The following RAP1GDS1 variants were observed in gnomAD, a reference collection of about 807,000 sequenced individuals.
RAP1GDS1 encodes the protein Rap1 GTPase-GDP dissociation stimulator 1.
RAP1GDS1 carries 35 observed loss-of-function variants against 71.1 expected under a neutral mutation model. The observed-to-expected ratio is 0.49, with a 90% CI of 0.38 to 0.65. The LOEUF is 0.65. Ranked by LOEUF, RAP1GDS1 falls within the 30% of genes least tolerant of loss-of-function variation. RAP1GDS1 has a pLI of 0.00. For synonymous variants in RAP1GDS1, 229 were observed against 243.1 expected, an observed-to-expected ratio of 0.94 and a Z score of 0.54; for missense variants, 663 against 706.1, an observed-to-expected ratio of 0.94 and a Z score of 0.69.
At chr4:98,288,154 T>A (rs1287885769) in intron 1 of RAP1GDS1, among the ~76,000 whole-genome samples, 1 of 152,110 alleles carries the variant, frequency 6.6e-6, no homozygotes, top group Admixed American at 6.6e-5. Flanking sequence ...TAACAATAGG[T>A]ATATCTCCTA....
intron 14 of RAP1GDS1, among the ~76,000 whole-genome samples, chr4:98,438,031 C>T (rs1049139123): frequency 3.3e-5 from 5 of 151,978 alleles, no homozygotes; most frequent in Non-Finnish European, 5.9e-5. Flanking sequence ...TTGAAGTCTC[C>T]CACTGTAGAT....
chr4:98,287,578 T>C (rs148685737), intron 1 of RAP1GDS1, among the ~76,000 whole-genome samples: 48 of 152,316 alleles, frequency 3.2e-4, no homozygotes, highest in African/African-American at 1.1e-3. Flanking sequence ...TATGACTACA[T>C]GTTAAAGTAA....
intron 1 of RAP1GDS1, among the ~76,000 whole-genome samples, chr4:98,280,812 T>C (rs1328409616): frequency 1.3e-5 from 2 of 152,240 alleles, no homozygotes; most frequent in Non-Finnish European, 2.9e-5. Flanking sequence ...GGATCCAGTT[T>C]CAGCTTTCTA....
intron 1 of RAP1GDS1, among the ~76,000 whole-genome samples, chr4:98,281,814 A>C (rs1197360708): frequency 6.6e-6 from 1 of 152,192 alleles, no homozygotes; most frequent in African/African-American, 2.4e-5. Flanking sequence ...AGTTTTTAGC[A>C]TGAAGGGCTG....
chr4:98,275,018 C>CTGTGTGTGTGTGTGTGTGTG (rs3974887), intron 1 of RAP1GDS1, among the ~76,000 whole-genome samples: 1 of 144,840 alleles, frequency 6.9e-6, no homozygotes, highest in Non-Finnish European at 1.5e-5. Flanking sequence ...TTGTTTGCAG[C>CTGTGTGTGTGTGTGTGTGTG]TGTGTGTGTG....
intron 12 of RAP1GDS1, among the ~76,000 whole-genome samples, chr4:98,423,094 A>C (rs1215787664): frequency 6.6e-6 from 1 of 152,254 alleles, no homozygotes; most frequent in East Asian, 1.9e-4. Context: ...ACAGAAATAA[A>C]AACAGCTAGC....
At chr4:98,349,835 TG>T (rs1008023465) in intron 3 of RAP1GDS1, among the ~76,000 whole-genome samples, 2 of 151,754 alleles carry the variant, frequency 1.3e-5, no homozygotes, top group Non-Finnish European at 2.9e-5. Flanking sequence ...TAAACATCCC[TG>T]TTTTTTTTTT....
chr4:98,284,749 C>CT (rs1725730873), intron 1 of RAP1GDS1, among the ~76,000 whole-genome samples: 1 of 152,150 alleles, frequency 6.6e-6, no homozygotes, highest in South Asian at 2.1e-4. Context: ...TACCAGCCTG[C>CT]TTGGAGCCCT....
At chr4:98,359,404 A>T (rs1281045639) in intron 4 of RAP1GDS1, among the ~76,000 whole-genome samples, 1 of 152,156 alleles carries the variant, frequency 6.6e-6, no homozygotes, top group Non-Finnish European at 1.5e-5. Context: ...TGAAAGTATA[A>T]AAAAACCTTT....
intron 4 of RAP1GDS1, among the ~76,000 whole-genome samples, chr4:98,363,987 A>G (rs1298037074): frequency 2.0e-5 from 3 of 152,080 alleles, no homozygotes; most frequent in African/African-American, 7.2e-5. Context: ...CAATTTGCCG[A>G]TGTAGGAAAG....
At chr4:98,331,547 CT>C (rs1403525983) in intron 2 of RAP1GDS1, among the ~76,000 whole-genome samples, 1 of 152,070 alleles carries the variant, frequency 6.6e-6, no homozygotes, top group Non-Finnish European at 1.5e-5. Flanking sequence ...ATCTAGAATT[CT>C]GACTGATTAC....
chr4:98,414,692 G>T (rs531016721), intron 7 of RAP1GDS1, among the ~76,000 whole-genome samples: 1 of 151,280 alleles, frequency 6.6e-6, no homozygotes, highest in East Asian at 1.9e-4. Flanking sequence ...TTGACTTGGC[G>T]ATGCGGGCTC....
chr4:98,358,733 CCATACA>C (rs1371689936), intron 4 of RAP1GDS1, among the ~76,000 whole-genome samples: 1 of 151,814 alleles, frequency 6.6e-6, no homozygotes, highest in Non-Finnish European at 1.5e-5. Context: ...CCATACATGC[CCATACA>C]CATACACTAA....
At chr4:98,410,750 C>A (rs1243505445) in intron 7 of RAP1GDS1, among the ~76,000 whole-genome samples, 1 of 152,026 alleles carries the variant, frequency 6.6e-6, no homozygotes, top group Non-Finnish European at 1.5e-5. Flanking sequence ...CTGAAAAATA[C>A]ATATTGTATG....
At chr4:98,308,839 C>T (rs1405330413) in intron 2 of RAP1GDS1, among the ~76,000 whole-genome samples, 1 of 151,912 alleles carries the variant, frequency 6.6e-6, no homozygotes, top group Non-Finnish European at 1.5e-5. Flanking sequence ...AAACATCTGA[C>T]AAACATAGGA....
rs115962549 is a variant in RAP1GDS1 at position 98,344,369 on chromosome 4, C to T, written c.235+1108C>T. On this transcript the variant is annotated intron_variant, in intron 3 of 14. Transcript: ENST00000408927. The stretch of plus-strand genomic sequence containing the variant: ...TACCCAGCATCTTGGTTTTTAAGAA[C>T]AAGTCTTTTATTTTTAACTTTGTTA... Among the ~76,000 whole-genome samples the T allele has an allele frequency of 6.4e-3, 974 of 152,224 alleles. 15 individuals are homozygous for T. Among genetic ancestry groups the T allele is most frequent in the Non-Finnish European group, 5.4e-3 (367 of 67,984 alleles).
intron 1 of RAP1GDS1, among the ~76,000 whole-genome samples, chr4:98,289,229 T>G (rs984722046): frequency 2.6e-5 from 4 of 152,054 alleles, no homozygotes; most frequent in Non-Finnish European, 5.9e-5. Flanking sequence ...AAATAGAAAC[T>G]TTCATGTTTA....
chr4:98,416,355 T>C (rs1469534435), intron 7 of RAP1GDS1, among the ~76,000 whole-genome samples: 1 of 132,320 alleles, frequency 7.6e-6, no homozygotes, highest in Non-Finnish European at 1.6e-5. Context: ...TTTTTTTTTT[T>C]TTTTTTTTTG....
At chr4:98,305,996 A>T (rs1353061120) in intron 2 of RAP1GDS1, among the ~76,000 whole-genome samples, 1 of 152,152 alleles carries the variant, frequency 6.6e-6, no homozygotes, top group Non-Finnish European at 1.5e-5. Flanking sequence ...ATAACTAAGG[A>T]CTACACTTTA....
Sources: allele counts gnomAD v4.1 joint callset (sites outside exome capture counted in the v4.1 genomes callset), GRCh38; gene constraint gnomAD v4.1.1; transcripts MANE v1.5; gene names NCBI Gene and HGNC (gene_info 2026-07-23, HGNC 2026-07-21).